Variants in ERAP1 observed in about 807,000 individuals in gnomAD.
The protein encoded by ERAP1 is adipocyte-derived leucine aminopeptidase.
In ERAP1, 86 loss-of-function variants were observed where a neutral mutation model predicts 103.7. The ratio of observed to expected loss-of-function variants is 0.83; its 90% confidence interval spans 0.70 to 0.99. ERAP1 has a LOEUF of 0.99. Ranked by LOEUF, ERAP1 falls within the 50% of genes least tolerant of loss-of-function variation. The pLI is 0.00. For missense variants in ERAP1, 1,009 were observed against 1,128.4 expected (o/e 0.89, Z 1.52); for synonymous variants, 398 against 402.4 (o/e 0.99, Z 0.13).
chr5:96,889,126 G>C, the ERAP1 span: 5 of 1,603,720 alleles, frequency 3.1e-6, no homozygotes, highest in Non-Finnish European at 4.3e-6. Context: ...GGGTTATCAG[G>C]AATGGAATTA....
chr5:96,900,051 A>G, the ERAP1 span: 1 of 1,547,850 alleles, frequency 6.5e-7, no homozygotes, highest in Non-Finnish European at 8.9e-7. Flanking sequence ...GCCTGCATCC[A>G]TGGCTAATGT....
At position 96,792,269 on chromosome 5, in the gene ERAP1, C is replaced by T. The variant is rs530230091; in HGVS notation, c.1189-77G>A. On this transcript the variant is annotated intron_variant, in intron 7 of 18. Transcript: ENST00000443439. ...AAATGTCAAAGGTGGGACATTTTAT[C>T]TGAGGCAAGAAGTCCATACTTCACA... 51 of 1,458,682 alleles carry T rather than the reference C, an allele frequency of 3.5e-5. No homozygotes were observed. In the South Asian group the frequency reaches 5.7e-4, roughly 16 times the overall value. 90.4% of individuals were successfully genotyped at this position (1,458,682 alleles called of 1,614,324 possible). A position where few individuals can be genotyped will look rare whatever the true frequency, so the allele number is the denominator to read the frequency against.
the ERAP1 span, among the ~76,000 whole-genome samples, chr5:96,821,897 G>T: frequency 6.6e-6 from 1 of 152,214 alleles, no homozygotes; most frequent in Non-Finnish European, 1.5e-5. Context: ...CTTGTTGGTG[G>T]AAAGGCTGGG....
chr5:96,803,256 C>A, intron 2 of ERAP1, 147 bp downstream of exon 2: 2 of 731,680 alleles, frequency 2.7e-6, no homozygotes, highest in South Asian at 2.0e-5. Flanking sequence ...GGGAAAAAGC[C>A]ATTTTTAACA....
At chr5:96,895,050 C>A in the ERAP1 span, among the ~76,000 whole-genome samples, 1 of 151,284 alleles carries the variant, frequency 6.6e-6, no homozygotes, top group Non-Finnish European at 1.5e-5. Flanking sequence ...AAAAAGAAAA[C>A]CAAGCAAAAA....
In ERAP1 at chr5:96,793,793, G is replaced by A; in HGVS notation, c.1074+10C>T. 1 of 1,608,822 alleles carries A rather than the reference G, an allele frequency of 6.2e-7. No individual in the cohort carries two copies. Among genetic ancestry groups the A allele is most frequent in the Middle Eastern group, 1.7e-4 (1 of 6,042 alleles). ...TTTATACTTTATTAAAAGTGTGAATGAGCTTATACCTGGTGAGCCAGTTCA... is the reference window on the plus strand; with the variant it reads ...TTTATACTTTATTAAAAGTGTGAATAAGCTTATACCTGGTGAGCCAGTTCA... On this transcript the variant is annotated intron_variant, in intron 6 of 18. Coordinates refer to ENST00000443439, the MANE Select transcript of ERAP1 (RefSeq NM_001040458.3).
the ERAP1 span, chr5:96,913,356 A>G: frequency 9.3e-6 from 15 of 1,613,978 alleles, no homozygotes; most frequent in African/African-American, 1.5e-4. Flanking sequence ...TTATCAAGAC[A>G]CAGAACTTGG....
chr5:96,906,421 C>G, the ERAP1 span, among the ~76,000 whole-genome samples: 1 of 152,066 alleles, frequency 6.6e-6, no homozygotes, highest in African/African-American at 2.4e-5. Flanking sequence ...CACACACCAC[C>G]ATGCCCAACC....
At chr5:96,805,566 A>T (rs1037503616) in intron 1 of ERAP1, 2 of 152,196 alleles carry the variant, frequency 1.3e-5, no homozygotes, top group African/African-American at 4.8e-5. Context: ...CCTCTGGAGC[A>T]ATCTGGAGGC....
the ERAP1 span, among the ~76,000 whole-genome samples, chr5:96,868,273 C>G: frequency 6.6e-6 from 1 of 152,104 alleles, no homozygotes; most frequent in Non-Finnish European, 1.5e-5. Flanking sequence ...AAAATCTACC[C>G]AGATTCAAGG....
the ERAP1 span, among the ~76,000 whole-genome samples, chr5:96,866,480 A>G: frequency 2.0e-5 from 3 of 152,234 alleles, no homozygotes; most frequent in African/African-American, 7.2e-5. Flanking sequence ...ATTATAACCA[A>G]CATTCATTAA....
At chr5:96,776,830 G>GC in intron 18 of ERAP1, 1 of 421,752 alleles carries the variant, frequency 2.4e-6, no homozygotes, top group Non-Finnish European at 4.2e-6. Context: ...AGGTTTAATT[G>GC]TGTCTATTTA....
At chr5:96,864,138 C>G in the ERAP1 span, among the ~76,000 whole-genome samples, 4 of 152,062 alleles carry the variant, frequency 2.6e-5, no homozygotes, top group Non-Finnish European at 5.9e-5. Flanking sequence ...CCTGGCAATA[C>G]TTATTATGGC....
At chr5:96,806,892 C>T (rs192262963) in intron 1 of ERAP1, among the ~76,000 whole-genome samples, 282 of 150,588 alleles carry the variant, frequency 1.9e-3, no homozygotes, top group African/African-American at 6.8e-3. Flanking sequence ...TCAGGCCGCA[C>T]CTGAAAATGT....
At chr5:96,782,211 G>A (rs564441444) in intron 15 of ERAP1, among the ~76,000 whole-genome samples, 32 of 151,792 alleles carry the variant, frequency 2.1e-4, no homozygotes, top group South Asian at 6.3e-4. Flanking sequence ...GGGTTTCACC[G>A]TCTTAGCCAG....
chr5:96,894,034 G>A, the ERAP1 span, among the ~76,000 whole-genome samples: 31 of 152,230 alleles, frequency 2.0e-4, no homozygotes, highest in African/African-American at 6.3e-4. Flanking sequence ...CTCTGTCCCT[G>A]GCAAAGACAT....
At chr5:96,923,041 G>A in the ERAP1 span, among the ~76,000 whole-genome samples, 41 of 152,004 alleles carry the variant, frequency 2.7e-4, no homozygotes, top group Non-Finnish European at 5.6e-4. Flanking sequence ...TGTCACGATC[G>A]TAGCTCACTG....
chr5:96,901,461 A>G, the ERAP1 span: 7 of 1,590,544 alleles, frequency 4.4e-6, no homozygotes, highest in African/African-American at 9.4e-5. Flanking sequence ...CTGTCTTTGG[A>G]TTGTCTCCTC....
the ERAP1 span, chr5:96,903,557 T>C: frequency 1.9e-6 from 3 of 1,593,128 alleles, no homozygotes; most frequent in South Asian, 1.1e-5. Flanking sequence ...TTTCAGCTAG[T>C]TGGGTAAGGC....
Sources: gnomAD v4.1 joint callset for allele counts (sites outside exome capture counted in the v4.1 genomes callset) on GRCh38, gnomAD v4.1.1 for gene constraint, MANE v1.5 for transcripts, NCBI Gene and HGNC (gene_info 2026-07-23, HGNC 2026-07-21) for gene names.